The following PCDHA9 variants were observed in gnomAD, a reference collection of about 807,000 sequenced individuals.
PCDHA9 encodes protocadherin alpha 9.
In PCDHA9, 62 loss-of-function variants were observed where a neutral mutation model predicts 62.0. The ratio of observed to expected loss-of-function variants is 1.00; its 90% CI spans 0.81 to 1.23. The LOEUF (loss-of-function observed/expected upper bound fraction) is 1.23. Ranked by LOEUF, PCDHA9 falls within the 50% of genes most tolerant of loss-of-function variation. The pLI is 0.00. For missense variants in PCDHA9, 1,205 were observed against 1,249.8 expected, an observed-to-expected ratio of 0.96 and a Z score of 0.54; for synonymous variants, 557 against 567.6, an observed-to-expected ratio of 0.98 and a Z score of 0.27.
intron 1 of PCDHA9, chr5:140,857,943 C>G: frequency 6.3e-7 from 1 of 1,597,460 alleles, no homozygotes. Context: ...GAGATCAGTA[C>G]GACGCGCGCT....
rs782295059 is a variant in PCDHA9 at position 140,883,240 on chromosome 5, C to A, written c.2394+32351C>A. The A allele has an allele frequency of 3.7e-6, 6 of 1,613,998 alleles. No homozygotes were observed. The Admixed American group carries it at 1.0e-4, about 27-fold the overall frequency. ...ATGAAATATCCGTGGAGGCAGTTGA[C>A]AAAGGAAATATTCCAATGGCGGGTC... On this transcript the variant is annotated intron_variant, in intron 1 of 3. Coordinates refer to ENST00000532602, the MANE Select transcript of PCDHA9 (RefSeq NM_031857.2).
intron 1 of PCDHA9, among the ~76,000 whole-genome samples, chr5:140,922,635 C>G (rs1403011776): frequency 6.6e-6 from 1 of 152,118 alleles, no homozygotes; most frequent in Non-Finnish European, 1.5e-5. Context: ...ATAAGCCACT[C>G]CATCAAACAG....
chr5:140,859,907 T>G (rs982789282), intron 1 of PCDHA9: 3 of 150,386 alleles, frequency 2.0e-5, no homozygotes, highest in African/African-American at 5.0e-5. Context: ...CCTTAATGTC[T>G]TATATTATAA....
intron 1 of PCDHA9, among the ~76,000 whole-genome samples, chr5:140,977,127 C>T (rs1197401904): frequency 6.6e-6 from 1 of 152,168 alleles, no homozygotes; most frequent in East Asian, 1.9e-4. Flanking sequence ...AACTGAGTTT[C>T]CTGGTCAGTC....
rs2044015236 is a variant in PCDHA9, at chr5:140,856,467, C to T, written c.2394+5578C>T. On this transcript the variant is annotated intron_variant, in intron 1 of 3. Coordinates refer to ENST00000532602, the MANE Select transcript of PCDHA9 (RefSeq NM_031857.2). ...TTCTCCGTAACAGAACAAAAGCTCTCAATACCTGAATCCAGACTGCTTGAC... is the reference window on the plus strand; with the variant it reads ...TTCTCCGTAACAGAACAAAAGCTCTTAATACCTGAATCCAGACTGCTTGAC... 5 of 1,598,208 alleles carry T rather than the reference C, an allele frequency of 3.1e-6. 1 individual carries two copies. Among genetic ancestry groups the T allele is most frequent in the Non-Finnish European group, 4.3e-6 (5 of 1,167,910 alleles).
intron 1 of PCDHA9, chr5:140,966,279 G>C (rs1429727504): frequency 3.3e-5 from 12 of 364,508 alleles, no homozygotes; most frequent in Non-Finnish European, 4.9e-5. Context: ...ACTGGACAGT[G>C]GGGGTAGGGA....
chr5:140,921,057 C>G (rs2079994477), intron 1 of PCDHA9, among the ~76,000 whole-genome samples: 1 of 151,924 alleles, frequency 6.6e-6, no homozygotes, highest in African/African-American at 2.4e-5. Flanking sequence ...ATAGCTCACT[C>G]TAACCTTGAA....
At chr5:140,856,978 G>A in intron 1 of PCDHA9, 2 of 1,594,578 alleles carry the variant, frequency 1.3e-6, no homozygotes, top group Non-Finnish European at 1.7e-6. Context: ...TTGACTTTGA[G>A]GACAGTAACA....
chr5:140,958,915 G>T (rs1162016056), intron 1 of PCDHA9, among the ~76,000 whole-genome samples: 13 of 150,674 alleles, frequency 8.6e-5, no homozygotes, highest in Non-Finnish European at 1.8e-4. Flanking sequence ...AAGTCTGCCT[G>T]GGTGTGGTGG....
At chr5:140,876,581 C>A in intron 1 of PCDHA9, 2 of 1,614,200 alleles carry the variant, frequency 1.2e-6, no homozygotes, top group Non-Finnish European at 1.7e-6. Flanking sequence ...ACCGTCATTG[C>A]CCTGATTAGC....
chr5:140,964,747 G>C (rs1170890203), intron 1 of PCDHA9, among the ~76,000 whole-genome samples: 3 of 151,868 alleles, frequency 2.0e-5, no homozygotes, highest in Non-Finnish European at 4.4e-5. Context: ...AATTATTGTA[G>C]GGATGTTTGG....
intron 1 of PCDHA9, chr5:140,883,801 C>G: frequency 3.1e-6 from 5 of 1,612,430 alleles, no homozygotes; most frequent in Non-Finnish European, 4.2e-6. Flanking sequence ...TGTCGGTGCA[C>G]GCGGAGAGCG....
intron 1 of PCDHA9, chr5:140,968,736 A>G (rs1047961532): frequency 3.1e-6 from 5 of 1,614,098 alleles, no homozygotes; most frequent in East Asian, 2.2e-5. Context: ...AGCACTTTCA[A>G]CCTGACCGTG....
rs1287210610 is a variant in PCDHA9 at position 140,850,363 on chromosome 5, G to T, written c.1868G>T (p.Arg623Leu). 1.9e-6 allele frequency: 3 copies of T among 1,597,818 alleles called. No homozygotes were observed. The highest frequency in any genetic ancestry group is 1.3e-5 in the African/African-American group (1 of 74,284). The change falls in exon 1 of 4, where the codon CGC becomes CTC. Residue 623 changes from arginine to leucine, a missense_variant. Physicochemically the swap from Arg to Leu is moderately radical, Grantham distance 102. Coordinates refer to ENST00000532602, the MANE Select transcript of PCDHA9 (RefSeq NM_031857.2). ...PETASASIPF[R>L]VGLYTGEIST... ...ACGGCCAGCGCGAGCATCCCGTTCC[G>T]CGTGGGGCTGTACACGGGCGAGATC...
At chr5:140,935,894 C>CT (rs55841305) in intron 1 of PCDHA9, among the ~76,000 whole-genome samples, 11,084 of 136,696 alleles carry the variant, frequency 0.081, 520 homozygotes, top group Middle Eastern at 0.14. Context: ...TCAATATTAT[C>CT]TTTTTTTTTT....
chr5:140,976,486 G>C (rs782708902), intron 1 of PCDHA9, among the ~76,000 whole-genome samples: 1 of 152,078 alleles, frequency 6.6e-6, no homozygotes, highest in Non-Finnish European at 1.5e-5. Flanking sequence ...GGGAGGCAGA[G>C]GTTGCAGGGA....
At chr5:140,905,298 T>A (rs1171619023) in intron 1 of PCDHA9, among the ~76,000 whole-genome samples, 2 of 152,218 alleles carry the variant, frequency 1.3e-5, no homozygotes, top group African/African-American at 2.4e-5. Context: ...TAAGGTGTCC[T>A]TTCCACACTT....
chr5:140,851,627 C>G (rs1278178767), intron 1 of PCDHA9: 1 of 918,180 alleles, frequency 1.1e-6, no homozygotes, highest in Admixed American at 6.3e-5. Context: ...GCTTTTTAAA[C>G]AAGTGTTTCC....
intron 1 of PCDHA9, among the ~76,000 whole-genome samples, chr5:140,911,977 T>G (rs1554195068): frequency 1.3e-5 from 2 of 152,180 alleles, no homozygotes; most frequent in African/African-American, 4.8e-5. Context: ...TTAACTCACA[T>G]GATCACAAGG....
Sources: allele counts gnomAD v4.1 joint callset (sites outside exome capture counted in the v4.1 genomes callset), GRCh38; gene constraint gnomAD v4.1.1; transcripts MANE v1.5; gene names NCBI Gene and HGNC (gene_info 2026-07-23, HGNC 2026-07-21).